Variants in EXOC4 observed in about 807,000 individuals in gnomAD.
EXOC4 encodes the protein SEC8-like 1.
In EXOC4, 71 loss-of-function variants were observed where a neutral mutation model predicts 107.2. The observed-to-expected ratio is 0.66, with a 90% CI of 0.55 to 0.81. EXOC4 has a LOEUF of 0.81. EXOC4 is among the 30% of genes least tolerant of loss of function. EXOC4 has a pLI of 0.00. For synonymous variants in EXOC4, 456 were observed against 441.2 expected (o/e 1.03, Z -0.42); for missense variants, 1,108 against 1,189.6 (o/e 0.93, Z 1.01).
At chr7:133,873,306 G>A (rs776177850) in intron 11 of EXOC4, among the ~76,000 whole-genome samples, 31 of 152,186 alleles carry the variant, frequency 2.0e-4, no homozygotes, top group Non-Finnish European at 2.9e-4. Context: ...ACGGTCAAAC[G>A]TTGTTTTTCG....
the EXOC4 span, among the ~76,000 whole-genome samples, chr7:134,087,618 C>G: frequency 6.6e-6 from 1 of 152,110 alleles, no homozygotes; most frequent in Non-Finnish European, 1.5e-5. Context: ...AATATGTGCC[C>G]AGAATATTGA....
At chr7:133,978,673 A>C (rs1793899726) in intron 14 of EXOC4, among the ~76,000 whole-genome samples, 1 of 152,218 alleles carries the variant, frequency 6.6e-6, no homozygotes, top group South Asian at 2.1e-4. Context: ...ATAATCAGGA[A>C]ATGCAGCCGG....
chr7:134,051,325 A>G (rs1003557146), intron 17 of EXOC4, among the ~76,000 whole-genome samples: 2 of 152,240 alleles, frequency 1.3e-5, no homozygotes, highest in African/African-American at 2.4e-5. Flanking sequence ...CACAGAGCCA[A>G]TAGCAGAATC....
chr7:133,985,957 A>T (rs1314881306), intron 14 of EXOC4, among the ~76,000 whole-genome samples: 1 of 152,150 alleles, frequency 6.6e-6, no homozygotes, highest in African/African-American at 2.4e-5. Flanking sequence ...TCTTCTGTAA[A>T]AGTGGGCAAA....
At chr7:133,982,036 G>C (rs1793993812) in intron 14 of EXOC4, among the ~76,000 whole-genome samples, 2 of 152,160 alleles carry the variant, frequency 1.3e-5, no homozygotes, top group Non-Finnish European at 2.9e-5. Flanking sequence ...TCTTACTTAT[G>C]AGTGGGAGCT....
chr7:133,460,962 T>G (rs1359741678), intron 7 of EXOC4, among the ~76,000 whole-genome samples: 1 of 152,284 alleles, frequency 6.6e-6, no homozygotes, highest in African/African-American at 2.4e-5. Flanking sequence ...TCCAGCAGTG[T>G]ATGATTAATT....
At chr7:133,448,632 C>A (rs1296122255) in intron 7 of EXOC4, among the ~76,000 whole-genome samples, 1 of 152,116 alleles carries the variant, frequency 6.6e-6, no homozygotes, top group African/African-American at 2.4e-5. Context: ...AAGCCTCTTT[C>A]CTCCGCTTAT....
intron 5 of EXOC4, among the ~76,000 whole-genome samples, chr7:133,334,948 C>A (rs1181086735): frequency 6.6e-6 from 1 of 152,192 alleles, no homozygotes; most frequent in Non-Finnish European, 1.5e-5. Flanking sequence ...ATATGTACTA[C>A]ATTTTCTTTA....
At chr7:133,802,838 C>T (rs1796978472) in intron 10 of EXOC4, among the ~76,000 whole-genome samples, 1 of 96,220 alleles carries the variant, frequency 1.0e-5, no homozygotes, top group African/African-American at 4.3e-5. Context: ...ACGAGCGAAA[C>T]TCTGTCTCCA....
chr7:133,914,050 CT>C (rs1262297817), intron 12 of EXOC4, among the ~76,000 whole-genome samples: 1 of 152,128 alleles, frequency 6.6e-6, no homozygotes, highest in African/African-American at 2.4e-5. Flanking sequence ...AAAAAGTGCT[CT>C]TGGGTTGGTG....
intron 9 of EXOC4, among the ~76,000 whole-genome samples, chr7:133,595,149 C>G (rs917443401): frequency 6.6e-6 from 1 of 151,906 alleles, no homozygotes; most frequent in African/African-American, 2.4e-5. Flanking sequence ...TTTTCCCCAT[C>G]GAGGAAAGGA....
At chr7:134,072,459 C>T in the EXOC4 span, among the ~76,000 whole-genome samples, 2 of 152,054 alleles carry the variant, frequency 1.3e-5, no homozygotes, top group African/African-American at 4.8e-5. Flanking sequence ...ACAGGAGGGT[C>T]TTAGGCCTGC....
At chr7:133,583,115 G>C (rs1801316747) in intron 9 of EXOC4, among the ~76,000 whole-genome samples, 1 of 152,126 alleles carries the variant, frequency 6.6e-6, no homozygotes, top group African/African-American at 2.4e-5. Context: ...TTTTCTTTTA[G>C]AGTGTGTTTT....
At chr7:133,368,118 A>C (rs900868539) in intron 6 of EXOC4, among the ~76,000 whole-genome samples, 8 of 152,176 alleles carry the variant, frequency 5.3e-5, no homozygotes, top group Non-Finnish European at 1.0e-4. Flanking sequence ...TGTAGGAGAG[A>C]TGTGTTTACA....
intron 10 of EXOC4, among the ~76,000 whole-genome samples, chr7:133,731,976 A>G (rs1256298218): frequency 6.6e-6 from 1 of 152,204 alleles, no homozygotes; most frequent in African/African-American, 2.4e-5. Flanking sequence ...ATTCTGTTAT[A>G]AAGATGCATG....
At chr7:133,929,098 A>AT in intron 13 of EXOC4, among the ~76,000 whole-genome samples, 1 of 151,542 alleles carries the variant, frequency 6.6e-6, no homozygotes. Flanking sequence ...ACACCCGGCT[A>AT]TTTTTTGTAT....
chr7:133,484,006 TC>T (rs1799216923), intron 9 of EXOC4: 1 of 1,613,520 alleles, frequency 6.2e-7, no homozygotes, highest in Admixed American at 1.7e-5. Context: ...CCCAGTAATT[TC>T]GGTTCATACG....
At chr7:133,825,034 C>G (rs905983225) in intron 11 of EXOC4, among the ~76,000 whole-genome samples, 3 of 151,880 alleles carry the variant, frequency 2.0e-5, no homozygotes, top group African/African-American at 4.8e-5. Flanking sequence ...CTTGACGACT[C>G]TCTGGCAGGA....
intron 7 of EXOC4, among the ~76,000 whole-genome samples, chr7:133,391,296 C>T (rs1300930634): frequency 6.6e-6 from 1 of 152,194 alleles, no homozygotes; most frequent in Admixed American, 6.5e-5. Flanking sequence ...GAAAGCTCAG[C>T]ACGAATTAGC....
Sources: gnomAD v4.1 joint callset for allele counts (sites outside exome capture counted in the v4.1 genomes callset) on GRCh38, gnomAD v4.1.1 for gene constraint, MANE v1.5 for transcripts, NCBI Gene and HGNC (gene_info 2026-07-23, HGNC 2026-07-21) for gene names.